The following DKK2 variants were observed in gnomAD, a reference collection of about 807,000 sequenced individuals.
The protein encoded by DKK2 is dickkopf-related protein 2.
In DKK2, 11 loss-of-function variants were observed where a neutral mutation model predicts 28.1. The ratio of observed to expected loss-of-function variants is 0.39; its 90% CI spans 0.25 to 0.65. The LOEUF (loss-of-function observed/expected upper bound fraction) is 0.65, where lower values mean the gene tolerates loss of function less well. DKK2 is among the 30% of genes least tolerant of loss of function. DKK2 has a pLI of 0.47. For synonymous variants in DKK2, 135 were observed against 126.5 expected (o/e 1.07, Z -0.45); for missense variants, 326 against 335.5 (o/e 0.97, Z 0.22).
chr4:107,004,647 A>G (rs1464210775), intron 1 of DKK2, among the ~76,000 whole-genome samples: 1 of 152,236 alleles, frequency 6.6e-6, no homozygotes, highest in Non-Finnish European at 1.5e-5. Context: ...AGTCCCCCGA[A>G]GATATCTATC....
intron 1 of DKK2, among the ~76,000 whole-genome samples, chr4:106,986,596 A>C (rs1723123589): frequency 6.6e-6 from 1 of 152,202 alleles, no homozygotes; most frequent in South Asian, 2.1e-4. Context: ...CTCATAAACT[A>C]ATAGTTCAGG....
intron 1 of DKK2, among the ~76,000 whole-genome samples, chr4:106,967,970 T>C (rs561691872): frequency 7.7e-6 from 1 of 130,194 alleles, no homozygotes; most frequent in South Asian, 2.4e-4. Context: ...AAGAAAGGAA[T>C]GAAGAGAAAA....
chr4:106,942,739 A>G (rs1216520506), intron 1 of DKK2, among the ~76,000 whole-genome samples: 1 of 152,138 alleles, frequency 6.6e-6, no homozygotes, highest in Non-Finnish European at 1.5e-5. Flanking sequence ...CAACTTTGCT[A>G]GGGTCAGTCT....
intron 1 of DKK2, among the ~76,000 whole-genome samples, chr4:106,987,423 A>G (rs1723136184): frequency 6.6e-6 from 1 of 152,312 alleles, no homozygotes; most frequent in Admixed American, 6.5e-5. Context: ...TGCTTGTCTA[A>G]CACCCACGTC....
At chr4:106,987,572 C>G (rs1578369076) in intron 1 of DKK2, among the ~76,000 whole-genome samples, 1 of 152,158 alleles carries the variant, frequency 6.6e-6, no homozygotes, top group Admixed American at 6.5e-5. Context: ...AGGATCCCAA[C>G]TAGCCACTCA....
At chr4:107,022,328 T>A (rs773460798) in intron 1 of DKK2, among the ~76,000 whole-genome samples, 3 of 152,130 alleles carry the variant, frequency 2.0e-5, no homozygotes, top group Non-Finnish European at 4.4e-5. Flanking sequence ...AAGTAAGCAA[T>A]TAGCACGTTG....
At chr4:106,978,044 G>A (rs1422041526) in intron 1 of DKK2, among the ~76,000 whole-genome samples, 2 of 152,204 alleles carry the variant, frequency 1.3e-5, no homozygotes, top group Non-Finnish European at 2.9e-5. Flanking sequence ...TCCAGACCCT[G>A]TTTGCCTGGA....
chr4:106,938,694 T>C (rs1439244063), intron 1 of DKK2, among the ~76,000 whole-genome samples: 3 of 152,114 alleles, frequency 2.0e-5, no homozygotes, highest in African/African-American at 4.8e-5. Flanking sequence ...TTGATGAACA[T>C]TGATGCAAAA....
intron 1 of DKK2, among the ~76,000 whole-genome samples, chr4:106,998,716 T>C (rs551489706): frequency 6.6e-5 from 10 of 152,234 alleles, no homozygotes; most frequent in Middle Eastern, 3.4e-3. Context: ...TTCAGAAAAA[T>C]TGCCGTATGT....
intron 1 of DKK2, among the ~76,000 whole-genome samples, chr4:106,969,131 G>T (rs1722824797): frequency 6.6e-6 from 1 of 151,638 alleles, no homozygotes; most frequent in Admixed American, 6.6e-5. Context: ...AGGAATCAAT[G>T]ACCTCAAAGA....
At position 106,923,924 on chromosome 4, in the gene DKK2, T is replaced by G; in HGVS notation, c.*30A>C. The G allele has an allele frequency of 6.2e-7, 1 of 1,608,512 alleles. No homozygotes were observed. The highest frequency in any genetic ancestry group is 8.5e-7 in the Non-Finnish European group (1 of 1,175,328). On this transcript the variant is annotated 3_prime_UTR_variant, in exon 4 of 4. Coordinates refer to ENST00000285311, the MANE Select transcript of DKK2 (RefSeq NM_014421.3). The stretch of plus-strand genomic sequence containing the variant: ...ATGCATTAAATACACAACTTCACAG[T>G]CTGCAATTGATGATGTTCCTCAATG...
chr4:107,021,107 T>C lies in DKK2; in HGVS notation c.222+14263A>G, dbSNP rs191954507. On this transcript the variant is annotated intron_variant, in intron 1 of 3. Coordinates refer to ENST00000285311, the MANE Select transcript of DKK2 (RefSeq NM_014421.3). ...GTTTTCCACCTTAAAGCAATTGACA[T>C]GGAAAGGTTTACAATTATAATCACA... Among the ~76,000 whole-genome samples the C allele has an allele frequency of 1.1e-3, 162 of 152,220 alleles. 2 individuals carry two copies. The highest frequency in any genetic ancestry group is 6.0e-3 in the East Asian group (31 of 5,178).
chr4:107,018,495 A>G (rs1723643818), intron 1 of DKK2, among the ~76,000 whole-genome samples: 1 of 152,112 alleles, frequency 6.6e-6, no homozygotes, highest in South Asian at 2.1e-4. Flanking sequence ...CATATCTGAG[A>G]GATGACAAGT....
chr4:106,988,323 A>G (rs533106739), intron 1 of DKK2, among the ~76,000 whole-genome samples: 1 of 152,278 alleles, frequency 6.6e-6, no homozygotes, highest in African/African-American at 2.4e-5. Context: ...CCTTGTTTTC[A>G]GTTTCAAAGT....
At chr4:107,019,522 T>C (rs1723661252) in intron 1 of DKK2, among the ~76,000 whole-genome samples, 1 of 152,088 alleles carries the variant, frequency 6.6e-6, no homozygotes, top group Non-Finnish European at 1.5e-5. Context: ...AAATGTTAGC[T>C]GTCACTATCT....
At chr4:106,957,634 T>C (rs1263887211) in intron 1 of DKK2, among the ~76,000 whole-genome samples, 1 of 150,702 alleles carries the variant, frequency 6.6e-6, no homozygotes, top group Non-Finnish European at 1.5e-5. Context: ...ATCATCATTC[T>C]CAGTAAACTA....
intron 1 of DKK2, among the ~76,000 whole-genome samples, chr4:106,977,368 AG>A: frequency 6.6e-6 from 1 of 152,324 alleles, no homozygotes; most frequent in South Asian, 2.1e-4. Flanking sequence ...CGTTACTTTC[AG>A]GTACACCAAT....
chr4:106,954,061 GATAAT>G (rs1162688275), intron 1 of DKK2, among the ~76,000 whole-genome samples: 1 of 152,032 alleles, frequency 6.6e-6, no homozygotes, highest in African/African-American at 2.4e-5. Context: ...AGTCAAATGA[GATAAT>G]ATGTTATTTA....
At chr4:106,972,069 C>T (rs1237190481) in intron 1 of DKK2, among the ~76,000 whole-genome samples, 2 of 152,070 alleles carry the variant, frequency 1.3e-5, no homozygotes, top group Non-Finnish European at 2.9e-5. Context: ...GCCAGTAATG[C>T]TGTAATAAAT....
Sources: gnomAD v4.1 joint callset for allele counts (sites outside exome capture counted in the v4.1 genomes callset) on GRCh38, gnomAD v4.1.1 for gene constraint, MANE v1.5 for transcripts, NCBI Gene and HGNC (gene_info 2026-07-23, HGNC 2026-07-21) for gene names.